The following TMT1B variants were observed in gnomAD, a reference collection of about 807,000 sequenced individuals.
The protein encoded by TMT1B is thiol S-methyltransferase TMT1B.
At chr12:55,681,788 G>A in the TMT1B span, 146 of 1,552,208 alleles carry the variant, frequency 9.4e-5, no homozygotes, top group African/African-American at 1.9e-3. Context: ...GCAGCTGCTG[G>A]TGCTGCTTCT....
chr12:55,682,111 T>C, the TMT1B span: 1 of 1,614,022 alleles, frequency 6.2e-7, no homozygotes, highest in Admixed American at 1.7e-5. Context: ...ACCTCCAATA[T>C]GAGCGGTTTG....
chr12:55,683,670 A>G, the TMT1B span: 1 of 752,022 alleles, frequency 1.3e-6, no homozygotes, highest in Non-Finnish European at 2.2e-6. Flanking sequence ...GATGCAGAAA[A>G]GGTCAGGGGC....
chr12:55,681,969 T>G, the TMT1B span: 6 of 1,614,206 alleles, frequency 3.7e-6, no homozygotes. Flanking sequence ...TCCGGGAAAG[T>G]GGCCCTACTG....
At chr12:55,683,944 G>A in the TMT1B span, 3 of 1,614,114 alleles carry the variant, frequency 1.9e-6, no homozygotes, top group South Asian at 1.1e-5. Flanking sequence ...AGACCTGGAA[G>A]GATCTTGAGA....
At chr12:55,684,003 A>G in the TMT1B span, 20 of 1,613,740 alleles carry the variant, frequency 1.2e-5, no homozygotes, top group Non-Finnish European at 2.5e-6. Context: ...CCTCCCTTGA[A>G]GTGGCTACCT....
At chr12:55,683,873 T>C in the TMT1B span, 61 of 1,614,128 alleles carry the variant, frequency 3.8e-5, no homozygotes, top group Admixed American at 4.3e-4. Flanking sequence ...GGCCTTCATG[T>C]GGCAGCAAGT....
At chr12:55,683,882 G>C in the TMT1B span, 1 of 1,614,012 alleles carries the variant, frequency 6.2e-7, no homozygotes, top group Non-Finnish European at 8.5e-7. Context: ...GTGGCAGCAA[G>C]TTTTCGAGCC....
the TMT1B span, chr12:55,684,407 C>T: frequency 3.6e-4 from 84 of 235,866 alleles, 1 homozygote; most frequent in Admixed American, 6.2e-4. Context: ...TGAGGCTACA[C>T]CCATGCGTCT....
the TMT1B span, chr12:55,683,988 A>G: frequency 7.2e-5 from 117 of 1,614,008 alleles, no homozygotes; most frequent in East Asian, 2.4e-3. Flanking sequence ...ATGGAACGAC[A>G]GCCCCCTCCC....
the TMT1B span, chr12:55,684,038 G>A: frequency 1.2e-6 from 2 of 1,612,954 alleles, no homozygotes; most frequent in Admixed American, 3.3e-5. Flanking sequence ...CATGGGAAAG[G>A]CTGTCAAATA....
At chr12:55,682,808 AAGAG>A in the TMT1B span, among the ~76,000 whole-genome samples, 78 of 148,324 alleles carry the variant, frequency 5.3e-4, no homozygotes, top group South Asian at 8.0e-3. Flanking sequence ...AATAAATAAA[AAGAG>A]AGAGAGAGAG....
chr12:55,684,187 C>G, the TMT1B span: 1 of 757,078 alleles, frequency 1.3e-6, no homozygotes, highest in East Asian at 2.6e-5. Context: ...CCTACTAGTC[C>G]CTCTCTCCCC....
At chr12:55,684,199 A>G in the TMT1B span, 39 of 707,250 alleles carry the variant, frequency 5.5e-5, no homozygotes, top group Admixed American at 4.2e-4. Flanking sequence ...TCTCTCCCCA[A>G]CCTCTGCCAG....
the TMT1B span, among the ~76,000 whole-genome samples, chr12:55,683,374 A>G: frequency 6.6e-6 from 1 of 152,160 alleles, no homozygotes; most frequent in African/African-American, 2.4e-5. Context: ...TCATGCCTGT[A>G]ATCCCAGCTA....
the TMT1B span, chr12:55,683,833 G>C: frequency 6.2e-7 from 1 of 1,614,026 alleles, no homozygotes; most frequent in South Asian, 1.1e-5. Context: ...TCTTTTTCTG[G>C]GAGCATGTGG....
the TMT1B span, chr12:55,684,011 C>A: frequency 6.2e-7 from 1 of 1,613,772 alleles, no homozygotes; most frequent in Admixed American, 1.7e-5. Context: ...GAAGTGGCTA[C>A]CTGTTGGGCC....
At chr12:55,684,375 A>G in the TMT1B span, 1 of 310,516 alleles carries the variant, frequency 3.2e-6, no homozygotes, top group South Asian at 3.3e-5. Context: ...TTCCCATGGT[A>G]AAGCTCCTCT....
the TMT1B span, chr12:55,684,092 C>A: frequency 6.3e-7 from 1 of 1,582,236 alleles, no homozygotes; most frequent in Non-Finnish European, 8.7e-7. Context: ...CTTCCCCAGC[C>A]TCCAATTAGA....
chr12:55,682,381 T>G, the TMT1B span: 2 of 870,898 alleles, frequency 2.3e-6, no homozygotes, highest in Admixed American at 5.6e-5. Flanking sequence ...CACCTCTACC[T>G]GCTGGTGAAT....
Sources: gnomAD v4.1 joint callset for allele counts (sites outside exome capture counted in the v4.1 genomes callset) on GRCh38, gnomAD v4.1.1 for gene constraint, MANE v1.5 for transcripts, NCBI Gene and HGNC (gene_info 2026-07-23, HGNC 2026-07-21) for gene names.